RARB: variants seen among roughly 807,000 people sequenced by gnomAD.
RARB encodes the protein HBV-activated protein.
RARB carries 17 observed loss-of-function variants against 51.9 expected under a neutral mutation model. The observed-to-expected ratio is 0.33, with a 90% CI of 0.22 to 0.49. RARB has a LOEUF of 0.49. Among genes scored for constraint, RARB ranks in the 20% least tolerant of loss-of-function variants. The pLI, the probability that RARB is intolerant of heterozygous loss-of-function variation, is 0.99. For synonymous variants in RARB, 215 were observed against 195.4 expected, an observed-to-expected ratio of 1.10 and a Z score of -0.84; for missense variants, 369 against 550.8, an observed-to-expected ratio of 0.67 and a Z score of 3.30.
intron 2 of RARB, among the ~76,000 whole-genome samples, chr3:25,025,495 G>C (rs1262984353): frequency 2.0e-5 from 3 of 152,184 alleles, no homozygotes; most frequent in Non-Finnish European, 4.4e-5. Context: ...GTGCCCAGCT[G>C]TTTGATGATA....
chr3:25,228,224 T>TTG (rs201548108), intron 5 of RARB, among the ~76,000 whole-genome samples: 12,484 of 147,534 alleles, frequency 0.085, 697 homozygotes, highest in Non-Finnish European at 0.13. Flanking sequence ...AGGGTTTTTT[T>TTG]TTTTTTTTTT....
chr3:25,586,322 A>G (rs1701386729), intron 5 of RARB, among the ~76,000 whole-genome samples: 1 of 152,048 alleles, frequency 6.6e-6, no homozygotes, highest in Admixed American at 6.5e-5. Context: ...TAGCGTAATG[A>G]CAGGTGCATT....
intron 5 of RARB, among the ~76,000 whole-genome samples, chr3:25,203,320 T>A (rs1701445489): frequency 6.6e-6 from 1 of 152,232 alleles, no homozygotes; most frequent in South Asian, 2.1e-4. Context: ...TGAGGCTATG[T>A]GTGTCTCTGC....
chr3:25,208,974 G>A (rs904872894), intron 5 of RARB, among the ~76,000 whole-genome samples: 5 of 152,178 alleles, frequency 3.3e-5, no homozygotes, highest in African/African-American at 1.2e-4. Flanking sequence ...CCTGGGTCTA[G>A]GCTAATGTTT....
chr3:25,202,680 A>G (rs924908853), intron 5 of RARB, among the ~76,000 whole-genome samples: 3 of 152,162 alleles, frequency 2.0e-5, no homozygotes, highest in African/African-American at 7.2e-5. Flanking sequence ...TTCTGCCTTC[A>G]TTTTGTTATA....
chr3:25,049,182 A>G (rs1456743071), intron 2 of RARB, among the ~76,000 whole-genome samples: 1 of 152,248 alleles, frequency 6.6e-6, no homozygotes, highest in East Asian at 1.9e-4. Flanking sequence ...CAATAGAAGC[A>G]GTGAGACATT....
intron 5 of RARB, among the ~76,000 whole-genome samples, chr3:25,204,463 G>A (rs1046743462): frequency 2.0e-5 from 3 of 152,166 alleles, no homozygotes; most frequent in African/African-American, 7.2e-5. Context: ...TTCCATTGCT[G>A]GTGAGGAGCT....
chr3:25,209,573 C>T (rs1179799977), intron 5 of RARB, among the ~76,000 whole-genome samples: 3 of 152,186 alleles, frequency 2.0e-5, no homozygotes, highest in African/African-American at 4.8e-5. Flanking sequence ...CCCATGGATA[C>T]GTGGCTTGGA....
chr3:25,459,400 C>T (rs1695061731), intron 1 of RARB, among the ~76,000 whole-genome samples: 1 of 152,174 alleles, frequency 6.6e-6, no homozygotes, highest in Non-Finnish European at 1.5e-5. Flanking sequence ...GGAAATGATG[C>T]TGCTAAAATG....
Position 24,992,813 on chromosome 3 carries a change from C to T in RARB, c.-379-67312C>T, listed in dbSNP as rs73143063. 9.4e-3 allele frequency among the ~76,000 whole-genome samples: 1,427 copies of T among 152,204 alleles called. 16 individuals are homozygous for T. The highest frequency in any genetic ancestry group is 0.032 in the African/African-American group (1,349 of 41,526). The stretch of plus-strand genomic sequence containing the variant: ...TTACCTTCATTGTCCTTTTAAAGGC[C>T]CTGTCTCCAAATATAGTCACATTTT... On this transcript the variant is annotated intron_variant, in intron 2 of 11. Transcript: ENST00000383772.
At chr3:25,346,707 C>T (rs936229573) in intron 5 of RARB, among the ~76,000 whole-genome samples, 3 of 152,158 alleles carry the variant, frequency 2.0e-5, no homozygotes, top group African/African-American at 7.2e-5. Context: ...TTTGACATAG[C>T]TGTTTGGACA....
chr3:25,435,176 AC>A (rs1432146593), intron 1 of RARB, among the ~76,000 whole-genome samples: 19 of 152,102 alleles, frequency 1.2e-4, no homozygotes, highest in Admixed American at 4.6e-4. Flanking sequence ...TCCTAATTTG[AC>A]CCATATTTAG....
rs376917526 is a variant in RARB at position 25,183,838 on chromosome 3, TC to T, written c.178+9266del. Among the ~76,000 whole-genome samples, 323 of 152,250 alleles carry T rather than the reference TC, an allele frequency of 2.1e-3. 2 individuals are homozygous for T. Among genetic ancestry groups the T allele is most frequent in the African/African-American group, 7.4e-3 (306 of 41,558 alleles). On this transcript the variant is annotated intron_variant, in intron 5 of 11. Transcript: ENST00000383772. ...TCCTGCAATAACACTTATTGTCTTC[TC>T]CCTTATATTTAGAGCTAATTTTGTT...
At chr3:25,511,809 G>A (rs1329361447) in intron 3 of RARB, among the ~76,000 whole-genome samples, 1 of 152,162 alleles carries the variant, frequency 6.6e-6, no homozygotes, top group Admixed American at 6.5e-5. Flanking sequence ...ACAACTTGAG[G>A]ATGGGAAGGA....
intron 5 of RARB, among the ~76,000 whole-genome samples, chr3:25,273,345 G>A (rs745620922): frequency 7.9e-5 from 12 of 152,204 alleles, no homozygotes; most frequent in Admixed American, 3.3e-4. Context: ...GCCTACTTCA[G>A]AAATGTTTAC....
chr3:25,212,752 C>A (rs1474117470), intron 5 of RARB, among the ~76,000 whole-genome samples: 1 of 85,982 alleles, frequency 1.2e-5, no homozygotes, highest in South Asian at 2.7e-4. Context: ...CAGTTATTTT[C>A]CACTTTTTTT....
chr3:25,341,941 A>G (rs549970411), intron 5 of RARB, among the ~76,000 whole-genome samples: 3 of 152,180 alleles, frequency 2.0e-5, no homozygotes, highest in Admixed American at 6.5e-5. Context: ...ATGTATCACA[A>G]TTATAATTAA....
At chr3:25,317,209 C>T (rs1449615074) in intron 5 of RARB, among the ~76,000 whole-genome samples, 2 of 151,750 alleles carry the variant, frequency 1.3e-5, no homozygotes, top group Non-Finnish European at 2.9e-5. Flanking sequence ...GTGTCTGGCA[C>T]AGGGAAGGCA....
intron 1 of RARB, among the ~76,000 whole-genome samples, chr3:25,456,410 C>A (rs1694905398): frequency 6.6e-6 from 1 of 152,004 alleles, no homozygotes; most frequent in African/African-American, 2.4e-5. Context: ...GTTTTTGCTA[C>A]CTTACCAAAA....
Sources: gnomAD v4.1 joint callset for allele counts (sites outside exome capture counted in the v4.1 genomes callset) on GRCh38, gnomAD v4.1.1 for gene constraint, MANE v1.5 for transcripts, NCBI Gene and HGNC (gene_info 2026-07-23, HGNC 2026-07-21) for gene names.